KLHL18: variants seen among roughly 807,000 people sequenced by gnomAD.
KLHL18 encodes kelch-like protein 18.
KLHL18 carries 38 observed loss-of-function variants against 58.5 expected under a neutral mutation model. The ratio of observed to expected loss-of-function variants is 0.65; its 90% CI spans 0.50 to 0.85. KLHL18 has a LOEUF of 0.85. Among genes scored for constraint, KLHL18 ranks in the 40% least tolerant of loss-of-function variants. KLHL18 has a pLI of 0.00. For synonymous variants in KLHL18, 303 were observed against 301.9 expected, an observed-to-expected ratio of 1.00 and a Z score of -0.04; for missense variants, 624 against 778.4, an observed-to-expected ratio of 0.80 and a Z score of 2.36.
chr3:47,320,230 G>A (rs1471504410), intron 2 of KLHL18, among the ~76,000 whole-genome samples: 1 of 152,102 alleles, frequency 6.6e-6, no homozygotes, highest in African/African-American at 2.4e-5. Context: ...CTTTCTATTT[G>A]TATTGCCCAA....
intron 1 of KLHL18, among the ~76,000 whole-genome samples, chr3:47,299,285 A>G (rs1294667828): frequency 1.3e-5 from 2 of 152,218 alleles, no homozygotes; most frequent in African/African-American, 4.8e-5. Context: ...TTAGTTGAGT[A>G]CAGTGGTATG....
chr3:47,336,489 C>A, intron 6 of KLHL18, 46 bp from the exon 7 acceptor site: 1 of 1,530,552 alleles, frequency 6.5e-7, no homozygotes, highest in Non-Finnish European at 9.0e-7. Context: ...GTGCTCTAAA[C>A]AAGTGGTCTC....
At chr3:47,308,307 T>C (rs1703196572) in intron 1 of KLHL18, among the ~76,000 whole-genome samples, 1 of 152,158 alleles carries the variant, frequency 6.6e-6, no homozygotes, top group Non-Finnish European at 1.5e-5. Flanking sequence ...ATAGGCATAT[T>C]GTGTGATGCT....
intron 3 of KLHL18, among the ~76,000 whole-genome samples, chr3:47,326,143 TCACCATGTTGGC>T (rs940564850): frequency 2.6e-5 from 4 of 152,064 alleles, no homozygotes; most frequent in African/African-American, 9.7e-5. Flanking sequence ...AGATGGGGTT[TCACCATGTTGGC>T]CAGGCTGGTC....
chr3:47,311,971 G>A (rs1469977997), intron 1 of KLHL18, among the ~76,000 whole-genome samples: 2 of 152,138 alleles, frequency 1.3e-5, no homozygotes, highest in Admixed American at 6.5e-5. Context: ...GAAGCCAAGG[G>A]GCATGAATGC....
intron 1 of KLHL18, among the ~76,000 whole-genome samples, chr3:47,286,741 C>T (rs933224184): frequency 2.0e-5 from 3 of 152,170 alleles, no homozygotes; most frequent in Non-Finnish European, 2.9e-5. Flanking sequence ...GTTCAAAGTC[C>T]GTAGATCTTC....
At chr3:47,305,076 T>C (rs1263779474) in intron 1 of KLHL18, among the ~76,000 whole-genome samples, 2 of 151,818 alleles carry the variant, frequency 1.3e-5, no homozygotes, top group African/African-American at 2.4e-5. Context: ...CAAATAGGGA[T>C]AGTTTATTTC....
chr3:47,344,010 C>T lies in KLHL18; in HGVS notation c.*69C>T. The stretch of plus-strand genomic sequence containing the variant: ...TAGGCGCTTCCTTCCAGGAACAGTC[C>T]CTCAGGAGAGGCAGTGGACCAGAAG... On this transcript the variant is annotated 3_prime_UTR_variant, in exon 10 of 10. Transcript: ENST00000232766. 1 of 1,561,980 alleles carries T rather than the reference C, an allele frequency of 6.4e-7. No homozygotes were observed. Among genetic ancestry groups the T allele is most frequent in the Non-Finnish European group, 8.6e-7 (1 of 1,161,222 alleles).
At chr3:47,304,668 G>A (rs1362192668) in intron 1 of KLHL18, among the ~76,000 whole-genome samples, 5 of 152,052 alleles carry the variant, frequency 3.3e-5, no homozygotes, top group Non-Finnish European at 5.9e-5. Context: ...TGCTGAACTC[G>A]CTTATTATTT....
intron 2 of KLHL18, among the ~76,000 whole-genome samples, chr3:47,320,524 A>G (rs1400778025): frequency 6.6e-6 from 1 of 152,144 alleles, no homozygotes; most frequent in Non-Finnish European, 1.5e-5. Context: ...GACAGTGGTG[A>G]CAACTAGGGG....
At chr3:47,309,547 C>G (rs895210349) in intron 1 of KLHL18, among the ~76,000 whole-genome samples, 3 of 151,948 alleles carry the variant, frequency 2.0e-5, no homozygotes, top group Non-Finnish European at 4.4e-5. Context: ...CTCCTCACGT[C>G]CCAGATGATG....
chr3:47,307,501 A>C (rs963431190), intron 1 of KLHL18, among the ~76,000 whole-genome samples: 1 of 151,996 alleles, frequency 6.6e-6, no homozygotes, highest in Admixed American at 6.6e-5. Context: ...TTTTCTTCCA[A>C]AATTTTGAAG....
chr3:47,343,542 C>CT lies in KLHL18; in HGVS notation c.1339-12dup. 1 of 1,612,722 alleles carries CT rather than the reference C, an allele frequency of 6.2e-7. No homozygotes were observed. Among genetic ancestry groups the CT allele is most frequent in the South Asian group, 1.1e-5 (1 of 91,022 alleles). On this transcript the variant is annotated splice_polypyrimidine_tract_variant and intron_variant, in intron 9 of 9. Transcript: ENST00000232766. The stretch of plus-strand genomic sequence containing the variant: ...CTGACTGTCCTGTACCTGTGCCTCT[C>CT]TCCCCACTGCAGGTGGAACACTACA...
intron 8 of KLHL18, 65 bp downstream of exon 8, chr3:47,340,741 G>A (rs1324267250): frequency 6.3e-7 from 1 of 1,586,834 alleles, no homozygotes; most frequent in Non-Finnish European, 8.6e-7. Flanking sequence ...AATCAGAACT[G>A]TAGTTTTTTT....
chr3:47,335,236 A>G (rs895846192), intron 6 of KLHL18, among the ~76,000 whole-genome samples: 2 of 152,202 alleles, frequency 1.3e-5, no homozygotes, highest in African/African-American at 2.4e-5. Flanking sequence ...ACCCAGTTCC[A>G]TACCAGGCTA....
chr3:47,321,642 G>A (rs544765229), intron 2 of KLHL18, among the ~76,000 whole-genome samples: 5 of 152,292 alleles, frequency 3.3e-5, no homozygotes, highest in Non-Finnish European at 7.3e-5. Context: ...GAGCCACTGC[G>A]CCCGGCTTCT....
chr3:47,305,846 G>T (rs1307874544), intron 1 of KLHL18, among the ~76,000 whole-genome samples: 1 of 151,970 alleles, frequency 6.6e-6, no homozygotes, highest in African/African-American at 2.4e-5. Flanking sequence ...TCAAGAAATT[G>T]GTCAATTTCA....
intron 1 of KLHL18, among the ~76,000 whole-genome samples, chr3:47,307,641 C>T (rs982594331): frequency 2.0e-5 from 3 of 152,014 alleles, no homozygotes; most frequent in Admixed American, 6.5e-5. Context: ...CCTCCCACCT[C>T]GGCCTCCCAA....
chr3:47,324,860 A>G (rs969952822), intron 3 of KLHL18, among the ~76,000 whole-genome samples: 4 of 152,156 alleles, frequency 2.6e-5, no homozygotes, highest in Admixed American at 2.6e-4. Context: ...AAGAAAAGTC[A>G]TTTTTAGGCC....
Sources: allele counts gnomAD v4.1 joint callset (sites outside exome capture counted in the v4.1 genomes callset), GRCh38; gene constraint gnomAD v4.1.1; transcripts MANE v1.5; gene names NCBI Gene and HGNC (gene_info 2026-07-23, HGNC 2026-07-21).